Variants in C3orf52 observed in about 807,000 individuals in gnomAD.
C3orf52 encodes TPA-induced transmembrane protein.
C3orf52 carries 22 observed loss-of-function variants against 24.8 expected under a neutral mutation model. The observed-to-expected ratio is 0.89, with a 90% CI of 0.63 to 1.27. C3orf52 has a LOEUF of 1.27. Among genes scored for constraint, C3orf52 ranks in the 50% most tolerant of loss-of-function variants. The pLI is 0.00. For synonymous variants in C3orf52, 93 were observed against 100.2 expected, an observed-to-expected ratio of 0.93 and a Z score of 0.43; for missense variants, 265 against 260.7, an observed-to-expected ratio of 1.02 and a Z score of -0.11.
downstream of C3orf52, chr3:112,133,753 C>A (rs2074515283): frequency 1.3e-5 from 2 of 152,152 alleles, no homozygotes; most frequent in South Asian, 4.1e-4. Context: ...TCAAGTATGG[C>A]AAGGTATGCA....
At position 112,086,686 on chromosome 3, in the gene C3orf52, C is replaced by T. The variant is rs2073830282; in HGVS notation, c.138+141C>T. The T allele has an allele frequency of 2.8e-6, 3 of 1,089,592 alleles. No individual in the cohort carries two copies. The African/African-American group carries it at 4.8e-5, about 17-fold the overall frequency. 67.5% of individuals were successfully genotyped at this position (1,089,592 alleles called of 1,614,324 possible). A position where few individuals can be genotyped will look rare whatever the true frequency, so the allele number is the denominator to read the frequency against. On this transcript the variant is annotated intron_variant, in intron 1 of 5. Transcript: ENST00000264848. The stretch of plus-strand genomic sequence containing the variant: ...CGAGGGTGGGGCGCGCTCGAGTGCT[C>T]TGAATGGAGCCGAGTCACCGCGACA...
intron 4 of C3orf52, chr3:112,123,249 G>A (rs1397211378): frequency 2.2e-6 from 2 of 892,734 alleles, no homozygotes; most frequent in Non-Finnish European, 3.3e-6. Context: ...TTTCTCAAAT[G>A]GTGTTGTTCA....
intron 5 of C3orf52, among the ~76,000 whole-genome samples, chr3:112,113,991 A>G (rs1274435643): frequency 6.6e-6 from 1 of 152,238 alleles, no homozygotes; most frequent in Non-Finnish European, 1.5e-5. Flanking sequence ...TCCACAGTCC[A>G]TCAGAATCAC....
chr3:112,124,809 C>T lies in C3orf52; in HGVS notation c.*47-3424C>T, dbSNP rs2074275803. Among the ~76,000 whole-genome samples, 4 of 152,218 alleles carry T rather than the reference C, an allele frequency of 2.6e-5. No homozygotes were observed. In the South Asian group the frequency reaches 8.3e-4, roughly 32 times the overall value. ...GAAAAGCATGGATTGTGAAGTGAGA[C>T]TTGGTTTTGAATCCTGGTTCCGCCC... is the stretch of plus-strand genomic sequence containing the variant. On this transcript the variant is annotated intron_variant, in intron 4 of 4. Coordinates refer to the C3orf52 transcript ENST00000480282.
chr3:112,114,939 T>C (rs1002189225), intron 5 of C3orf52, among the ~76,000 whole-genome samples: 2 of 152,284 alleles, frequency 1.3e-5, no homozygotes, highest in South Asian at 4.1e-4. Context: ...GCAGGCTGCT[T>C]GTGAGACCTG....
chr3:112,097,550 A>AT (rs1292604968), intron 2 of C3orf52, among the ~76,000 whole-genome samples: 1 of 152,156 alleles, frequency 6.6e-6, no homozygotes, highest in East Asian at 1.9e-4. Flanking sequence ...TAAGAGCTAC[A>AT]TTTTATGATG....
chr3:112,089,256 C>T (rs955337357), intron 1 of C3orf52, among the ~76,000 whole-genome samples: 5 of 152,080 alleles, frequency 3.3e-5, no homozygotes, highest in African/African-American at 1.2e-4. Flanking sequence ...CCGGGTACAG[C>T]GGCTCACGCC....
At chr3:112,130,523 A>C, downstream of C3orf52, 1 of 1,612,736 alleles carries the variant, frequency 6.2e-7, no homozygotes, top group Non-Finnish European at 8.5e-7. Context: ...CCTGAAACTC[A>C]ACATATCAGA....
downstream of C3orf52, chr3:112,133,260 G>T (rs2074502301): frequency 2.3e-6 from 2 of 853,876 alleles, no homozygotes; most frequent in African/African-American, 1.7e-5. Context: ...AAGGAGAAGG[G>T]TGTCTCTGCA....
At position 112,117,131 on chromosome 3, in the gene C3orf52, C is replaced by T. The variant is rs866100729; in HGVS notation, c.*485C>T. On this transcript the variant is annotated 3_prime_UTR_variant, in exon 6 of 6. Transcript: ENST00000264848. ...CGCGTAAGCATGAGCTGGTAGAGCACGGAGAGGCAGGCAGCCAGGTTACGA... is the reference window on the plus strand; with the variant it reads ...CGCGTAAGCATGAGCTGGTAGAGCATGGAGAGGCAGGCAGCCAGGTTACGA... 9 of 568,696 alleles carry T rather than the reference C, an allele frequency of 1.6e-5. No individual in the cohort carries two copies. The highest frequency in any genetic ancestry group is 3.1e-5 in the Admixed American group (1 of 32,254). 35.2% of individuals were successfully genotyped at this position (568,696 alleles called of 1,614,324 possible).
At chr3:112,133,246 CA>C (rs1277800408), downstream of C3orf52, 6 of 967,714 alleles carry the variant, frequency 6.2e-6, no homozygotes, top group Non-Finnish European at 9.8e-6. Flanking sequence ...GCAGAGACAG[CA>C]GAAAGGAGAA....
At chr3:112,093,281 G>A in intron 1 of C3orf52, 79 bp from the exon 2 acceptor site, 1 of 1,492,734 alleles carries the variant, frequency 6.7e-7, no homozygotes, top group South Asian at 1.3e-5. Context: ...TCATTTCTGT[G>A]TCTCTGGCAC....
At chr3:112,134,376 G>C (rs756754741), downstream of C3orf52, 1 of 152,328 alleles carries the variant, frequency 6.6e-6, no homozygotes, top group Non-Finnish European at 1.5e-5. Flanking sequence ...TGCTAAAAGA[G>C]CATGAATTGT....
intron 3 of C3orf52, among the ~76,000 whole-genome samples, chr3:112,106,871 T>C (rs1481166957): frequency 6.6e-6 from 1 of 152,188 alleles, no homozygotes; most frequent in African/African-American, 2.4e-5. Flanking sequence ...GAAGCTGGTC[T>C]CTAATTAGCC....
intron 4 of C3orf52, among the ~76,000 whole-genome samples, chr3:112,126,067 G>A (rs1242542315): frequency 6.6e-6 from 1 of 152,086 alleles, no homozygotes; most frequent in Non-Finnish European, 1.5e-5. Flanking sequence ...AGCTCCTATA[G>A]GCATCTAAAA....
chr3:112,093,427 T>A lies in C3orf52; in HGVS notation c.206T>A (p.Ile69Asn). 1.2e-6 allele frequency: 2 copies of A among 1,613,866 alleles called. No individual in the cohort carries two copies. Among genetic ancestry groups the A allele is most frequent in the Non-Finnish European group, 1.7e-6 (2 of 1,179,750 alleles). Residue 69 changes from isoleucine to asparagine, a missense_variant, in exon 2 of 6, where the codon ATC (isoleucine) becomes AAC (asparagine). Transcript: ENST00000264848. ...GTTGGAAGATGCAAACTGTGGATGA[T>A]CATCACCTCCATTTTCCTAGGTGTC... The part of the protein sequence containing the change: ...NVVGRCKLWM[I>N]ITSIFLGVIT...
downstream of C3orf52, among the ~76,000 whole-genome samples, chr3:112,120,389 G>A (rs2074176147): frequency 6.6e-6 from 1 of 152,172 alleles, no homozygotes; most frequent in South Asian, 2.1e-4. Flanking sequence ...AAAAACGTTA[G>A]CATTTCAACT....
At chr3:112,116,537 A>G in intron 5 of C3orf52, 105 bp from the exon 6 acceptor site, 3 of 1,086,858 alleles carry the variant, frequency 2.8e-6, no homozygotes, top group South Asian at 1.7e-5. Context: ...TTGCAATTTT[A>G]TCTAAGATTT....
chr3:112,087,765 C>G (rs116288874), intron 1 of C3orf52, among the ~76,000 whole-genome samples: 2,661 of 151,758 alleles, frequency 0.018, 90 homozygotes, highest in African/African-American at 0.061. Context: ...TATGAGTCCT[C>G]CAGGGCGGTG....
Sources: allele counts gnomAD v4.1 joint callset (sites outside exome capture counted in the v4.1 genomes callset), GRCh38; gene constraint gnomAD v4.1.1; transcripts MANE v1.5; gene names NCBI Gene and HGNC (gene_info 2026-07-23, HGNC 2026-07-21).